The following MGAT4A variants were observed in gnomAD, a reference collection of about 807,000 sequenced individuals.
MGAT4A encodes N-acetylglucosaminyltransferase IVa.
A neutral mutation model predicts 74.1 loss-of-function variants in MGAT4A; 33 were observed. The observed-to-expected ratio is 0.45, with a 90% CI of 0.34 to 0.60. The LOEUF (loss-of-function observed/expected upper bound fraction) is 0.60, where lower values mean the gene tolerates loss of function less well. MGAT4A is among the 20% of genes least tolerant of loss of function. The pLI, the probability that MGAT4A is intolerant of heterozygous loss-of-function variation, is 0.02. For missense variants in MGAT4A, 479 were observed against 628.3 expected, an observed-to-expected ratio of 0.76 and a Z score of 2.54; for synonymous variants, 198 against 210.4, an observed-to-expected ratio of 0.94 and a Z score of 0.51.
chr2:98,699,599 A>C (rs1702324128), intron 2 of MGAT4A, among the ~76,000 whole-genome samples: 1 of 152,212 alleles, frequency 6.6e-6, no homozygotes, highest in Non-Finnish European at 1.5e-5. Context: ...ATGTATTTAA[A>C]AATTGATCAA....
intron 8 of MGAT4A, among the ~76,000 whole-genome samples, chr2:98,653,473 A>G (rs1304350490): frequency 1.3e-5 from 2 of 151,984 alleles, no homozygotes; most frequent in African/African-American, 4.8e-5. Context: ...AAATAACTAA[A>G]AGTAGAAATG....
At chr2:98,706,328 A>G (rs1161212858) in intron 2 of MGAT4A, among the ~76,000 whole-genome samples, 1 of 152,122 alleles carries the variant, frequency 6.6e-6, no homozygotes, top group Admixed American at 6.5e-5. Context: ...AGGAGGGGCC[A>G]CCGAGGTGTG....
chr2:98,691,929 AAG>A (rs1358059511), intron 2 of MGAT4A, among the ~76,000 whole-genome samples: 3 of 152,240 alleles, frequency 2.0e-5, no homozygotes, highest in Non-Finnish European at 4.4e-5. Flanking sequence ...AATGTTTAAA[AAG>A]TAAAAAAATA....
intron 2 of MGAT4A, among the ~76,000 whole-genome samples, chr2:98,717,956 G>C (rs1702614424): frequency 6.6e-6 from 1 of 152,212 alleles, no homozygotes; most frequent in South Asian, 2.1e-4. Context: ...TTTGAAAGCA[G>C]CTTTGCTTAT....
At chr2:98,707,656 C>A (rs950182390) in intron 2 of MGAT4A, among the ~76,000 whole-genome samples, 1 of 152,168 alleles carries the variant, frequency 6.6e-6, no homozygotes, top group African/African-American at 2.4e-5. Context: ...GATGAAAGAG[C>A]AAGCTACAAG....
intron 2 of MGAT4A, among the ~76,000 whole-genome samples, chr2:98,699,918 C>T (rs1045170470): frequency 6.6e-6 from 1 of 152,158 alleles, no homozygotes. Flanking sequence ...GGGTAGAGCA[C>T]ATGGCCCACC....
chr2:98,625,953 G>T, intron 14 of MGAT4A, 118 bp from the exon 15 acceptor site: 2 of 561,408 alleles, frequency 3.6e-6, no homozygotes, highest in Non-Finnish European at 6.1e-6. Context: ...CTTTTGACAG[G>T]GCACAGGTAA....
intron 2 of MGAT4A, among the ~76,000 whole-genome samples, chr2:98,687,354 T>G (rs56230700): frequency 6.6e-6 from 1 of 152,296 alleles, no homozygotes; most frequent in Non-Finnish European, 1.5e-5. Context: ...TAGATAGTTC[T>G]TCATTAGAAC....
chr2:98,665,646 C>T (rs1183394658), intron 4 of MGAT4A, among the ~76,000 whole-genome samples: 2 of 152,236 alleles, frequency 1.3e-5, no homozygotes, highest in African/African-American at 4.8e-5. Flanking sequence ...TCCCTGCCCT[C>T]ATGGAACGCA....
chr2:98,635,759 G>A (rs983306457), intron 13 of MGAT4A, among the ~76,000 whole-genome samples: 5 of 151,974 alleles, frequency 3.3e-5, no homozygotes, highest in Non-Finnish European at 5.9e-5. Flanking sequence ...TTGGGAGGCC[G>A]AGGCGGGTGG....
chr2:98,680,836 T>C (rs1034551012), intron 2 of MGAT4A, among the ~76,000 whole-genome samples: 1 of 152,274 alleles, frequency 6.6e-6, no homozygotes, highest in African/African-American at 2.4e-5. Context: ...ATAAGTTTTA[T>C]GTGAAGAAAA....
chr2:98,644,778 C>T (rs575975662), intron 9 of MGAT4A, among the ~76,000 whole-genome samples: 7 of 152,200 alleles, frequency 4.6e-5, no homozygotes, highest in African/African-American at 1.4e-4. Flanking sequence ...GGATTACAGG[C>T]GTCTGCCACC....
chr2:98,728,495 C>A (rs1702796243), intron 1 of MGAT4A, among the ~76,000 whole-genome samples: 1 of 152,160 alleles, frequency 6.6e-6, no homozygotes, highest in South Asian at 2.1e-4. Flanking sequence ...TGCCTGTAAT[C>A]CTAGCACTTT....
chr2:98,620,679 G>C lies in MGAT4A; in HGVS notation c.*4887C>G, dbSNP rs141540460. On this transcript the variant is annotated 3_prime_UTR_variant, in exon 16 of 16. Transcript: ENST00000393487. Reference sequence around the variant, plus strand: ...TTGGTTAAAAAAAATTAAATCCCTCGATACACAGATTATCTGATCTCTACA... The same window carrying C: ...TTGGTTAAAAAAAATTAAATCCCTCCATACACAGATTATCTGATCTCTACA... 1.4e-3 allele frequency: 214 copies of C among 152,156 alleles called. 2 individuals carry two copies. Among genetic ancestry groups the C allele is most frequent in the African/African-American group, 4.9e-3 (203 of 41,506 alleles). 9.4% of individuals were successfully genotyped at this position (152,156 alleles called of 1,614,324 possible).
chr2:98,645,407 TA>T lies in MGAT4A; in HGVS notation c.889+20del. The T allele has an allele frequency of 6.8e-7, 1 of 1,473,342 alleles. No homozygotes were observed. The highest frequency in any genetic ancestry group is 9.2e-7 in the Non-Finnish European group (1 of 1,091,822). 91.3% of individuals were successfully genotyped at this position (1,473,342 alleles called of 1,614,324 possible). A position where few individuals can be genotyped will look rare whatever the true frequency, so the allele number is the denominator to read the frequency against. On this transcript the variant is annotated intron_variant, in intron 9 of 15. Transcript: ENST00000393487. The stretch of plus-strand genomic sequence containing the variant: ...GTCACAGTTATTTATGAAAAGTAGG[TA>T]AGTGTGACACTTTTCTTACCAATGA...
At chr2:98,682,828 TGTAATCCCAGCA>T (rs1403664754) in intron 2 of MGAT4A, among the ~76,000 whole-genome samples, 1 of 152,194 alleles carries the variant, frequency 6.6e-6, no homozygotes, top group Non-Finnish European at 1.5e-5. Flanking sequence ...GGCTCACGCC[TGTAATCCCAGCA>T]GTTTGGGAGC....
At position 98,622,679 on chromosome 2, in the gene MGAT4A, G is replaced by T; in HGVS notation, c.*2887C>A. On this transcript the variant is annotated 3_prime_UTR_variant, in exon 16 of 16. Coordinates refer to ENST00000393487, the MANE Select transcript of MGAT4A (RefSeq NM_012214.3). ...CAGAAAGGAGGGAGTAACTAACAGT[G>T]AGAGGCCCTGAGCACCCACCATAGG... The T allele has an allele frequency of 1.0e-6, 1 of 985,618 alleles. No individual in the cohort carries two copies. Among genetic ancestry groups the T allele is most frequent in the African/African-American group, 1.7e-5 (1 of 57,360 alleles). 61.1% of individuals were successfully genotyped at this position (985,618 alleles called of 1,614,324 possible).
chr2:98,631,409 T>C (rs1304214408), intron 14 of MGAT4A, among the ~76,000 whole-genome samples: 1 of 152,168 alleles, frequency 6.6e-6, no homozygotes, highest in Admixed American at 6.5e-5. Flanking sequence ...CCGACCTAGG[T>C]GAGGACAGGC....
At chr2:98,665,497 T>C (rs1701812585) in intron 4 of MGAT4A, among the ~76,000 whole-genome samples, 1 of 152,152 alleles carries the variant, frequency 6.6e-6, no homozygotes, top group South Asian at 2.1e-4. Flanking sequence ...AGAAGAGTTC[T>C]CAAGCACTCA....
Sources: allele counts gnomAD v4.1 joint callset (sites outside exome capture counted in the v4.1 genomes callset), GRCh38; gene constraint gnomAD v4.1.1; transcripts MANE v1.5; gene names NCBI Gene and HGNC (gene_info 2026-07-23, HGNC 2026-07-21).